Variants in MAP3K1 observed in about 807,000 individuals in gnomAD.
MAP3K1 encodes the protein MAP/ERK kinase kinase 1.
Under a neutral mutation model 144.2 loss-of-function variants are expected in MAP3K1, and 36 were observed. That is an observed-to-expected ratio of 0.25 (90% CI 0.19 to 0.33). The LOEUF (loss-of-function observed/expected upper bound fraction) is 0.33. MAP3K1 is among the 10% of genes least tolerant of loss of function. The probability of loss-of-function intolerance (pLI) is 1.00; values close to 1 mark genes in which losing one functional copy is unlikely to be tolerated. For missense variants in MAP3K1, 1,650 were observed against 1,881.9 expected, an observed-to-expected ratio of 0.88 and a Z score of 2.28; for synonymous variants, 718 against 688.7, an observed-to-expected ratio of 1.04 and a Z score of -0.67.
intron 1 of MAP3K1, among the ~76,000 whole-genome samples, chr5:56,845,933 GTTCT>G (rs1746979661): frequency 1.3e-5 from 2 of 152,172 alleles, no homozygotes; most frequent in African/African-American, 4.8e-5. Flanking sequence ...CCTGATGGAT[GTTCT>G]GAGTTTCTCC....
chr5:56,867,622 A>G (rs1747716860), intron 6 of MAP3K1, among the ~76,000 whole-genome samples: 1 of 152,202 alleles, frequency 6.6e-6, no homozygotes, highest in African/African-American at 2.4e-5. Context: ...AATAATGAAG[A>G]CTTTTTAAAT....
intron 1 of MAP3K1, among the ~76,000 whole-genome samples, chr5:56,816,467 G>T (rs1375219802): frequency 2.0e-5 from 3 of 152,058 alleles, no homozygotes; most frequent in African/African-American, 7.2e-5. Flanking sequence ...GGGGGGCGAG[G>T]CCCGAGCCTG....
chr5:56,818,942 A>G (rs1746069089), intron 1 of MAP3K1, among the ~76,000 whole-genome samples: 1 of 152,176 alleles, frequency 6.6e-6, no homozygotes, highest in Non-Finnish European at 1.5e-5. Context: ...GTGACCTTTT[A>G]CTAAAGAGGA....
chr5:56,890,597 C>G (rs942910756), intron 19 of MAP3K1, among the ~76,000 whole-genome samples: 1 of 152,146 alleles, frequency 6.6e-6, no homozygotes, highest in African/African-American at 2.4e-5. Flanking sequence ...AAGATTACCT[C>G]TAGAAGTACC....
At chr5:56,856,433 T>C (rs1747345641) in intron 1 of MAP3K1, among the ~76,000 whole-genome samples, 167 bp from the exon 2 acceptor site, 1 of 152,238 alleles carries the variant, frequency 6.6e-6, no homozygotes, top group African/African-American at 2.4e-5. Flanking sequence ...CAGTAGTATA[T>C]AATTCAGAAT....
At chr5:56,835,919 A>G (rs1336883479) in intron 1 of MAP3K1, among the ~76,000 whole-genome samples, 3 of 152,126 alleles carry the variant, frequency 2.0e-5, no homozygotes, top group African/African-American at 7.2e-5. Context: ...TTGTAGTTAG[A>G]AATGTTTGTG....
At chr5:56,861,548 G>A in intron 3 of MAP3K1, among the ~76,000 whole-genome samples, 1 of 142,580 alleles carries the variant, frequency 7.0e-6, no homozygotes, top group Admixed American at 7.3e-5. Flanking sequence ...TCTCCAGCCT[G>A]GGCGACAGAG....
chr5:56,838,266 G>T (rs1746713683), intron 1 of MAP3K1, among the ~76,000 whole-genome samples: 1 of 152,150 alleles, frequency 6.6e-6, no homozygotes, highest in South Asian at 2.1e-4. Flanking sequence ...ACAGTTCTTT[G>T]CCCCATTTCC....
At chr5:56,839,354 C>A (rs1034456841) in intron 1 of MAP3K1, among the ~76,000 whole-genome samples, 2 of 152,154 alleles carry the variant, frequency 1.3e-5, no homozygotes, top group South Asian at 4.1e-4. Flanking sequence ...TTGGATTATG[C>A]AAGTCATGAG....
intron 1 of MAP3K1, among the ~76,000 whole-genome samples, chr5:56,839,037 T>C (rs566085947): frequency 1.3e-5 from 2 of 152,304 alleles, no homozygotes; most frequent in African/African-American, 4.8e-5. Context: ...GGAATAATAT[T>C]AGTGCAGAGA....
At position 56,875,162 on chromosome 5, in the gene MAP3K1, C is replaced by G. The variant is rs56095529; in HGVS notation, c.1817C>G (p.Ser606Cys). Reference sequence around the variant, plus strand: ...GCAAATGGGGAGAGCACTGGAAATTCTGGGGGCAGCAGTGGAAGCAGCCCG... The same window carrying G: ...GCAAATGGGGAGAGCACTGGAAATTGTGGGGGCAGCAGTGGAAGCAGCCCG... ...LLANGESTGNSGGSSGSSPSG... is the reference protein window; with the variant it reads ...LLANGESTGNCGGSSGSSPSG... The change falls in exon 10 of 20, where the codon TCT becomes TGT. Residue 606 changes from serine to cysteine, a missense_variant. Coordinates refer to ENST00000399503, the MANE Select transcript of MAP3K1 (RefSeq NM_005921.2). 2.5e-6 allele frequency: 4 copies of G among 1,614,152 alleles called. No individual in the cohort carries two copies. The East Asian group carries it at 8.9e-5, about 36-fold the overall frequency.
intron 19 of MAP3K1, among the ~76,000 whole-genome samples, chr5:56,891,590 G>T (rs1367432481): frequency 1.3e-5 from 2 of 152,192 alleles, no homozygotes; most frequent in Admixed American, 6.5e-5. Flanking sequence ...TGCTTTTGGT[G>T]TTTTAGACAT....
intron 1 of MAP3K1, among the ~76,000 whole-genome samples, chr5:56,848,410 G>C (rs1019697997): frequency 6.6e-6 from 1 of 152,060 alleles, no homozygotes; most frequent in Admixed American, 6.6e-5. Context: ...TTAGATCTTT[G>C]TTGATTAGAA....
rs1360901265 is a variant in MAP3K1 at position 56,820,834 on chromosome 5, C to G, written c.482+4779C>G. 7 of 979,394 alleles carry G rather than the reference C, an allele frequency of 7.1e-6. No homozygotes were observed. The African/African-American group carries it at 1.2e-4, about 17-fold the overall frequency. The allele number at this position is 979,394 out of a possible 1,614,324, so 60.7% of individuals were successfully genotyped here. On this transcript the variant is annotated intron_variant, in intron 1 of 19. Coordinates refer to ENST00000399503, the MANE Select transcript of MAP3K1 (RefSeq NM_005921.2). Reference sequence around the variant, plus strand: ...TTCTGTCGGTAGGTTGTAGTATGAACATGTTTCACAATACCGTGTTAAGTG... The same window carrying G: ...TTCTGTCGGTAGGTTGTAGTATGAAGATGTTTCACAATACCGTGTTAAGTG...
chr5:56,848,014 A>G (rs1051998667), intron 1 of MAP3K1, among the ~76,000 whole-genome samples: 2 of 152,188 alleles, frequency 1.3e-5, no homozygotes, highest in African/African-American at 4.8e-5. Context: ...TGTACAGTTA[A>G]TATACATTTT....
At chr5:56,865,694 GTTC>G (rs1439397163) in intron 5 of MAP3K1, 132 bp from the exon 6 acceptor site, 3 of 921,876 alleles carry the variant, frequency 3.3e-6, no homozygotes, top group African/African-American at 1.7e-5. Context: ...ACTATAATGT[GTTC>G]TTATTTTTGA....
At chr5:56,830,194 C>T (rs527983441) in intron 1 of MAP3K1, among the ~76,000 whole-genome samples, 1 of 151,878 alleles carries the variant, frequency 6.6e-6, no homozygotes, top group South Asian at 2.1e-4. Flanking sequence ...TTGAGGATGC[C>T]CCAGAATACC....
intron 3 of MAP3K1, among the ~76,000 whole-genome samples, chr5:56,860,831 C>T (rs970581832): frequency 1.3e-5 from 2 of 150,586 alleles, no homozygotes; most frequent in African/African-American, 2.5e-5. Context: ...CCAGCCTGGG[C>T]GACAACAGCG....
Position 56,815,562 on chromosome 5 carries a change from C to T in MAP3K1, c.-12C>T. On this transcript the variant is annotated 5_prime_UTR_variant, in exon 1 of 20. Transcript: ENST00000399503. The stretch of plus-strand genomic sequence containing the variant: ...CTCGCAGGGGCCGAGCGAATGTAGC[C>T]CGCGAGAGAAAATGGCGGCGGCGGC... The T allele has an allele frequency of 7.7e-7, 1 of 1,300,812 alleles. No homozygotes were observed. The highest frequency in any genetic ancestry group is 2.2e-5 in the South Asian group (1 of 45,318). 80.6% of individuals were successfully genotyped at this position (1,300,812 alleles called of 1,614,324 possible). A position where few individuals can be genotyped will look rare whatever the true frequency, so the allele number is the denominator to read the frequency against.
Sources: gnomAD v4.1 joint callset for allele counts (sites outside exome capture counted in the v4.1 genomes callset) on GRCh38, gnomAD v4.1.1 for gene constraint, MANE v1.5 for transcripts, NCBI Gene and HGNC (gene_info 2026-07-23, HGNC 2026-07-21) for gene names.